The following SLC20A2 variants were observed in gnomAD, a reference collection of about 807,000 sequenced individuals.
SLC20A2 encodes the protein sodium-dependent phosphate transporter 2.
A neutral mutation model predicts 61.0 loss-of-function variants in SLC20A2; 30 were observed. The ratio of observed to expected loss-of-function variants is 0.49; its 90% CI spans 0.37 to 0.67. The LOEUF is 0.67. Ranked by LOEUF, SLC20A2 falls within the 30% of genes least tolerant of loss-of-function variation. SLC20A2 has a pLI of 0.00. For missense variants in SLC20A2, 626 were observed against 866.4 expected (o/e 0.72, Z 3.48); for synonymous variants, 351 against 353.3 (o/e 0.99, Z 0.07).
At chr8:42,523,880 ATTC>A (rs1353115222) in intron 1 of SLC20A2, among the ~76,000 whole-genome samples, 4 of 152,188 alleles carry the variant, frequency 2.6e-5, no homozygotes, top group African/African-American at 4.8e-5. Flanking sequence ...CTGAAAAATA[ATTC>A]TTCTTGTGAT....
At chr8:42,476,988 G>A (rs1224291439) in intron 1 of SLC20A2, among the ~76,000 whole-genome samples, 5 of 150,742 alleles carry the variant, frequency 3.3e-5, no homozygotes, top group East Asian at 3.9e-4. Flanking sequence ...ACATGTAAAC[G>A]CAAAGGCCAA....
At chr8:42,492,239 C>A (rs1809573473) in intron 1 of SLC20A2, among the ~76,000 whole-genome samples, 1 of 152,068 alleles carries the variant, frequency 6.6e-6, no homozygotes. Flanking sequence ...GCCTGTAATC[C>A]CAGCTACGCA....
intron 1 of SLC20A2, chr8:42,535,107 C>T (rs1812621061): frequency 6.6e-6 from 1 of 152,168 alleles, no homozygotes; most frequent in African/African-American, 2.4e-5. Context: ...TATGCCTTTT[C>T]TTTGGTTTTT....
intron 1 of SLC20A2, among the ~76,000 whole-genome samples, chr8:42,493,552 A>C (rs145705798): frequency 6.6e-6 from 1 of 152,306 alleles, no homozygotes; most frequent in Admixed American, 6.5e-5. Context: ...ATGGATAATC[A>C]TAACACCAGA....
At chr8:42,525,343 A>T (rs1811851498) in intron 1 of SLC20A2, among the ~76,000 whole-genome samples, 1 of 152,188 alleles carries the variant, frequency 6.6e-6, no homozygotes, top group Non-Finnish European at 1.5e-5. Context: ...GCACTTTGGG[A>T]GACCGAGGTG....
intron 1 of SLC20A2, among the ~76,000 whole-genome samples, chr8:42,519,902 C>T (rs1303341822): frequency 6.6e-6 from 1 of 151,354 alleles, no homozygotes; most frequent in Non-Finnish European, 1.5e-5. Context: ...GGACCCCAAA[C>T]ATTTTGGAAA....
intron 5 of SLC20A2, among the ~76,000 whole-genome samples, chr8:42,448,723 G>A (rs117259794): frequency 1.5e-4 from 23 of 152,262 alleles, no homozygotes; most frequent in East Asian, 9.7e-4. Flanking sequence ...AGGGTAACAC[G>A]TCACGGAGGA....
intron 1 of SLC20A2, among the ~76,000 whole-genome samples, chr8:42,526,094 TAAG>T (rs1199564178): frequency 2.0e-5 from 3 of 151,836 alleles, no homozygotes; most frequent in East Asian, 3.9e-4. Context: ...CAGAAACAGG[TAAG>T]AAGGAGGAAC....
chr8:42,496,739 C>T (rs7818789), intron 1 of SLC20A2, among the ~76,000 whole-genome samples: 54,613 of 152,134 alleles, frequency 0.36, 10,296 homozygotes, highest in East Asian at 0.43. Flanking sequence ...TGCTTGGATT[C>T]GTTAGGGCCT....
upstream of SLC20A2, among the ~76,000 whole-genome samples, chr8:42,502,784 C>T (rs1810403583): frequency 6.6e-6 from 1 of 152,234 alleles, no homozygotes; most frequent in Non-Finnish European, 1.5e-5. Context: ...TGGCTAGCTG[C>T]TAATGAACAG....
intron 1 of SLC20A2, among the ~76,000 whole-genome samples, chr8:42,475,571 G>A (rs1586149558): frequency 6.6e-6 from 1 of 151,770 alleles, no homozygotes; most frequent in East Asian, 1.9e-4. Flanking sequence ...CATCATGCCC[G>A]GCTAATTTTT....
At chr8:42,540,592 G>A (rs1813042139) in intron 1 of SLC20A2, among the ~76,000 whole-genome samples, 1 of 152,186 alleles carries the variant, frequency 6.6e-6, no homozygotes, top group Admixed American at 6.5e-5. Context: ...TACCCTAGAC[G>A]AAGGTGAGTT....
At chr8:42,534,447 T>C (rs183371482) in intron 1 of SLC20A2, among the ~76,000 whole-genome samples, 6 of 152,278 alleles carry the variant, frequency 3.9e-5, no homozygotes, top group African/African-American at 1.2e-4. Flanking sequence ...AAATAGAACA[T>C]AGAGATTACC....
chr8:42,422,622 G>A (rs1297295005), intron 10 of SLC20A2, among the ~76,000 whole-genome samples: 7 of 151,680 alleles, frequency 4.6e-5, no homozygotes, highest in African/African-American at 9.7e-5. Context: ...ATCCTCACCC[G>A]CCCCACCCCT....
At chr8:42,445,598 G>A (rs1489504841) in intron 5 of SLC20A2, among the ~76,000 whole-genome samples, 1 of 151,916 alleles carries the variant, frequency 6.6e-6, no homozygotes, top group Non-Finnish European at 1.5e-5. Flanking sequence ...GCGGTGACAG[G>A]CGCCTGTAAT....
chr8:42,539,172 C>T (rs1253712002), intron 1 of SLC20A2, among the ~76,000 whole-genome samples: 1 of 152,202 alleles, frequency 6.6e-6, no homozygotes, highest in Admixed American at 6.5e-5. Context: ...CATTCTTAAT[C>T]TTTTCCTCTT....
At chr8:42,469,115 G>A (rs1807421588) in intron 2 of SLC20A2, among the ~76,000 whole-genome samples, 1 of 152,156 alleles carries the variant, frequency 6.6e-6, no homozygotes, top group Non-Finnish European at 1.5e-5. Context: ...AGGACAGAGG[G>A]AAAGAGGGAG....
intron 1 of SLC20A2, among the ~76,000 whole-genome samples, chr8:42,525,393 C>T (rs56007221): frequency 0.019 from 2,917 of 151,942 alleles, 79 homozygotes; most frequent in African/African-American, 0.065. Flanking sequence ...ACCAGCCTGA[C>T]CAACATGGTG....
At chr8:42,475,493 T>C (rs961459710) in intron 1 of SLC20A2, among the ~76,000 whole-genome samples, 1 of 152,106 alleles carries the variant, frequency 6.6e-6, no homozygotes, top group African/African-American at 2.4e-5. Context: ...CACTGCAACC[T>C]CTGCCTCCTG....
Sources: allele counts gnomAD v4.1 joint callset (sites outside exome capture counted in the v4.1 genomes callset), GRCh38; gene constraint gnomAD v4.1.1; transcripts MANE v1.5; gene names NCBI Gene and HGNC (gene_info 2026-07-23, HGNC 2026-07-21).